TENM3: variants seen among roughly 807,000 people sequenced by gnomAD.
TENM3 encodes the protein teneurin transmembrane protein 3.
TENM3 carries 63 observed loss-of-function variants against 255.1 expected under a neutral mutation model. The ratio of observed to expected loss-of-function variants is 0.25; its 90% CI spans 0.20 to 0.30. The LOEUF (loss-of-function observed/expected upper bound fraction) is 0.30, where lower values mean the gene tolerates loss of function less well. Among genes scored for constraint, TENM3 ranks in the 10% least tolerant of loss-of-function variants. The pLI is 1.00. For missense variants in TENM3, 2,929 were observed against 3,461.1 expected, an observed-to-expected ratio of 0.85 and a Z score of 3.86; for synonymous variants, 1,306 against 1,322.3, an observed-to-expected ratio of 0.99 and a Z score of 0.27.
At chr4:181,691,905 G>A in the TENM3 span, among the ~76,000 whole-genome samples, 4 of 152,104 alleles carry the variant, frequency 2.6e-5, no homozygotes, top group Non-Finnish European at 4.4e-5. Context: ...ATTTGCTAAC[G>A]CTGTGGATAT....
the TENM3 span, among the ~76,000 whole-genome samples, chr4:181,814,914 G>A: frequency 6.6e-6 from 1 of 151,910 alleles, no homozygotes; most frequent in Non-Finnish European, 1.5e-5. Context: ...GAACCTAAGA[G>A]AGACTGGATA....
chr4:181,463,741 T>C, the TENM3 span, among the ~76,000 whole-genome samples: 121 of 152,270 alleles, frequency 7.9e-4, no homozygotes, highest in African/African-American at 2.8e-3. Context: ...ATCATCCATA[T>C]CTAATTTTAA....
intron 1 of TENM3, among the ~76,000 whole-genome samples, chr4:182,304,643 C>T (rs1319048052): frequency 6.6e-6 from 1 of 152,136 alleles, no homozygotes; most frequent in Non-Finnish European, 1.5e-5. Context: ...GTAGGTTTTT[C>T]TGTTGGGATG....
the TENM3 span, among the ~76,000 whole-genome samples, chr4:182,044,222 T>A: frequency 6.6e-6 from 1 of 151,888 alleles, no homozygotes; most frequent in Admixed American, 6.6e-5. Context: ...CTTTCTAACC[T>A]TGGAAAAGCA....
chr4:182,292,185 A>C (rs1349742370), intron 1 of TENM3, among the ~76,000 whole-genome samples: 1 of 152,096 alleles, frequency 6.6e-6, no homozygotes, highest in Non-Finnish European at 1.5e-5. Flanking sequence ...GATTTATTGT[A>C]AAAAAATGTA....
chr4:181,789,218 A>ATTTATTTTATTTTATTTTAT, the TENM3 span, among the ~76,000 whole-genome samples: 3 of 145,550 alleles, frequency 2.1e-5, no homozygotes, highest in Non-Finnish European at 3.0e-5. Context: ...AGCCCCCTTT[A>ATTTATTTTATTTTATTTTAT]TTTATTTTAT....
chr4:182,131,181 CAA>C, the TENM3 span, among the ~76,000 whole-genome samples: 1 of 152,096 alleles, frequency 6.6e-6, no homozygotes, highest in Non-Finnish European at 1.5e-5. Context: ...GCAGAACAGA[CAA>C]AGAGATTGCT....
the TENM3 span, among the ~76,000 whole-genome samples, chr4:182,085,499 A>C: frequency 6.6e-6 from 1 of 152,230 alleles, no homozygotes; most frequent in Non-Finnish European, 1.5e-5. Flanking sequence ...ATAACATATT[A>C]AAGCAATAGG....
At chr4:181,721,994 T>C in the TENM3 span, among the ~76,000 whole-genome samples, 23 of 152,080 alleles carry the variant, frequency 1.5e-4, no homozygotes, top group Admixed American at 1.5e-3. Context: ...TGAGGAGCAA[T>C]CTAACAGGAC....
chr4:182,193,433 T>C (rs1753646652), intron 1 of TENM3, among the ~76,000 whole-genome samples: 1 of 152,194 alleles, frequency 6.6e-6, no homozygotes. Flanking sequence ...TCTAATTCTT[T>C]CCAGTCTTTA....
intron 9 of TENM3, 46 bp from the exon 10 acceptor site, chr4:182,680,497 G>C (rs768836940): frequency 3.8e-6 from 6 of 1,599,536 alleles, no homozygotes; most frequent in Non-Finnish European, 5.1e-6. Flanking sequence ...TCGGAAGCTC[G>C]GTGGAAAGTG....
chr4:181,628,426 G>C, the TENM3 span, among the ~76,000 whole-genome samples: 2 of 152,228 alleles, frequency 1.3e-5, no homozygotes, highest in African/African-American at 4.8e-5. Context: ...TGTCCTGAAT[G>C]GTATTGCCTA....
intron 1 of TENM3, among the ~76,000 whole-genome samples, chr4:182,286,384 G>T (rs1760729086): frequency 6.6e-6 from 1 of 152,200 alleles, no homozygotes; most frequent in Non-Finnish European, 1.5e-5. Flanking sequence ...CCAGAGATTG[G>T]AATGCCGTTC....
At position 182,793,822 on chromosome 4, in the gene TENM3, T is replaced by C. The variant is rs551237377; in HGVS notation, c.7150T>C (p.Leu2384=). 3.1e-6 allele frequency: 5 copies of C among 1,613,860 alleles called. No individual in the cohort carries two copies. In the East Asian group the frequency reaches 8.9e-5, roughly 29 times the overall value. ...TGGGAAGGACCCAGCTCCTTTTAAC[T>C]TGTACATGTTTAGGAATAACAACCC... The part of the protein sequence containing the change: ...RIGKDPAPFN[L]YMFRNNNPAS... The change falls in exon 26 of 28, where the codon TTG becomes CTG. Residue 2384 remains leucine (L), a synonymous_variant. Transcript: ENST00000511685. The surrounding 1 kb of genome is among the most constrained non-coding windows in gnomAD (Gnocchi z 5.7).
the TENM3 span, among the ~76,000 whole-genome samples, chr4:182,096,672 C>G: frequency 6.6e-6 from 1 of 152,152 alleles, no homozygotes; most frequent in Non-Finnish European, 1.5e-5. Context: ...AGGAGAAACA[C>G]TAGAGCATAT....
intron 3 of TENM3, among the ~76,000 whole-genome samples, chr4:182,495,348 G>T (rs1288618829): frequency 6.6e-6 from 1 of 152,138 alleles, no homozygotes; most frequent in Non-Finnish European, 1.5e-5. Context: ...CTTGGTCCTG[G>T]TGGAATGCTG....
At chr4:182,478,366 A>G (rs1330610936) in intron 3 of TENM3, among the ~76,000 whole-genome samples, 1 of 152,030 alleles carries the variant, frequency 6.6e-6, no homozygotes, top group Non-Finnish European at 1.5e-5. Context: ...TTAATGGTTG[A>G]TGTACGGTAC....
At chr4:181,957,229 C>T in the TENM3 span, among the ~76,000 whole-genome samples, 1 of 152,168 alleles carries the variant, frequency 6.6e-6, no homozygotes, top group Non-Finnish European at 1.5e-5. Flanking sequence ...GGCCATAGAG[C>T]ACTAAGCCCT....
intron 26 of TENM3, among the ~76,000 whole-genome samples, chr4:182,796,326 T>C (rs1766493769): frequency 1.3e-5 from 2 of 152,262 alleles, no homozygotes; most frequent in Non-Finnish European, 2.9e-5. Context: ...CTCCTGCTGC[T>C]GTGCATTGTT....
Sources: allele counts gnomAD v4.1 joint callset (sites outside exome capture counted in the v4.1 genomes callset), GRCh38; gene constraint gnomAD v4.1.1; non-coding constraint Gnocchi (gnomAD v3.1); transcripts MANE v1.5; gene names NCBI Gene and HGNC (gene_info 2026-07-23, HGNC 2026-07-21).